The following CHD9 variants were observed in gnomAD, a reference collection of about 807,000 sequenced individuals.
CHD9 encodes the protein chromodomain helicase DNA binding protein 9.
In CHD9, 77 loss-of-function variants were observed where a neutral mutation model predicts 316.1. That is an observed-to-expected ratio of 0.24 (90% CI 0.20 to 0.29). The LOEUF (loss-of-function observed/expected upper bound fraction) is 0.29, where lower values mean the gene tolerates loss of function less well. Among genes scored for constraint, CHD9 ranks in the 10% least tolerant of loss-of-function variants. The probability of loss-of-function intolerance (pLI) is 1.00; values close to 1 mark genes in which losing one functional copy is unlikely to be tolerated. For synonymous variants in CHD9, 1,129 were observed against 1,158.3 expected (o/e 0.97, Z 0.51); for missense variants, 2,763 against 3,438.1 (o/e 0.80, Z 4.91).
rs2057499715 is a variant in CHD9, at chr16:53,325,174, C to A, written c.*279C>A. 3.7e-6 allele frequency: 1 copy of A among 267,382 alleles called. No homozygotes were observed. The highest frequency in any genetic ancestry group is 7.1e-6 in the Non-Finnish European group (1 of 140,890). 16.6% of individuals were successfully genotyped at this position (267,382 alleles called of 1,614,324 possible). On this transcript the variant is annotated 3_prime_UTR_variant, in exon 39 of 39. Coordinates refer to ENST00000447540, the MANE Select transcript of CHD9 (RefSeq NM_001308319.2). ...GGGTTAATTTTATGAAAATTATGCTCAATAAGAGTTGTATATTTAATATAT... is the reference window on the plus strand; with the variant it reads ...GGGTTAATTTTATGAAAATTATGCTAAATAAGAGTTGTATATTTAATATAT...
At position 53,209,582 on chromosome 16, in the gene CHD9, A is replaced by G. The variant is rs1032668812; in HGVS notation, c.1553A>G (p.Glu518Gly). 4 of 1,613,934 alleles carry G rather than the reference A, an allele frequency of 2.5e-6. No homozygotes were observed. The highest frequency in any genetic ancestry group is 3.4e-6 in the Non-Finnish European group (4 of 1,179,832). ...MSEKKQRKKV[E>G]SESKQEKANR... ...GAGAAGAAGCAGAGAAAAAAGGTGG[A>G]ATCAGAAAGCAAGCAAGAAAAGGCT... Residue 518 changes from glutamate (E) to glycine (G), a missense_variant, in exon 3 of 39, where the codon GAA becomes GGA. Around this residue, in one of 15 missense-constraint regions of CHD9, gnomAD observed 859 missense variants for 890.4 expected, o/e 0.96. Coordinates refer to ENST00000447540, the MANE Select transcript of CHD9 (RefSeq NM_001308319.2).
rs199518734 is a variant in CHD9 at position 53,256,971 on chromosome 16, A to AT, written c.4209+1196dup. 5.9e-3 allele frequency among the ~76,000 whole-genome samples: 897 copies of AT among 152,254 alleles called. 13 individuals carry two copies. Among genetic ancestry groups the AT allele is most frequent in the African/African-American group, 0.02 (850 of 41,546 alleles). The stretch of plus-strand genomic sequence containing the variant: ...AGACTAATAAATTCTTGTGTCAGGT[A>AT]TTTTGCTAAATGCCAGGAATACTAA... On this transcript the variant is annotated intron_variant, in intron 19 of 38. Transcript: ENST00000447540.
At chr16:53,267,788 A>G (rs2051840605) in intron 21 of CHD9, 139 bp from the exon 22 acceptor site, 5 of 680,298 alleles carry the variant, frequency 7.3e-6, no homozygotes, top group African/African-American at 1.8e-5. Context: ...CCATTCCTCT[A>G]CATTCTATGC....
intron 16 of CHD9, 36 bp downstream of exon 16, chr16:53,247,539 G>A: frequency 7.3e-7 from 1 of 1,375,308 alleles, no homozygotes; most frequent in Non-Finnish European, 1.0e-6. Context: ...ATTATGCTAA[G>A]TATATGCTAT....
intron 37 of CHD9, chr16:53,321,300 T>G: frequency 1.5e-6 from 2 of 1,348,860 alleles, no homozygotes; most frequent in Non-Finnish European, 1.9e-6. Context: ...ACTGTTCTAG[T>G]TATTCTACTT....
chr16:53,179,921 G>A (rs919237144), intron 2 of CHD9, among the ~76,000 whole-genome samples: 25 of 150,972 alleles, frequency 1.7e-4, no homozygotes, highest in Admixed American at 3.3e-4. Context: ...TAGTAATTAA[G>A]CATGGCATAC....
intron 1 of CHD9, among the ~76,000 whole-genome samples, chr16:53,146,434 T>TATATATATATAG (rs2040621667): frequency 7.5e-6 from 1 of 133,868 alleles, no homozygotes; most frequent in Non-Finnish European, 1.6e-5. Flanking sequence ...TATATATATA[T>TATATATATATAG]ATAATTAAAA....
At chr16:53,190,903 T>C (rs2152827003) in intron 2 of CHD9, among the ~76,000 whole-genome samples, 1 of 152,242 alleles carries the variant, frequency 6.6e-6, no homozygotes, top group South Asian at 2.1e-4. Flanking sequence ...ATTAATCCTG[T>C]TACATATGTC....
In CHD9 at chr16:53,267,326, G is replaced by A; in HGVS notation, c.4353G>A (p.Arg1451=). The change falls in exon 21 of 39, where the codon AGG becomes AGA. Residue 1451 remains arginine (R), a synonymous_variant. Coordinates refer to ENST00000447540, the MANE Select transcript of CHD9 (RefSeq NM_001308319.2). ...NSLVIDTPRI[R]KQTRPFSATK... is the part of the protein sequence containing the mutation. Reference sequence around the variant, plus strand: ...TGGTTATTGACACTCCAAGAATTAGGAAGCAAACAAGACCTTTTAGTGCCA... The same window carrying A: ...TGGTTATTGACACTCCAAGAATTAGAAAGCAAACAAGACCTTTTAGTGCCA... The A allele has an allele frequency of 6.2e-7, 1 of 1,611,136 alleles. No individual in the cohort carries two copies.
At chr16:53,067,195 G>A (rs79548074) in intron 1 of CHD9, among the ~76,000 whole-genome samples, 67 of 152,218 alleles carry the variant, frequency 4.4e-4, no homozygotes, top group African/African-American at 1.6e-3. Context: ...TGCCTGCCTC[G>A]ACTTCCCAAA....
At chr16:53,254,352 T>G in intron 17 of CHD9, 86 bp from the exon 18 acceptor site, 1 of 918,228 alleles carries the variant, frequency 1.1e-6, no homozygotes, top group Non-Finnish European at 1.5e-6. Context: ...TAAGAATTCT[T>G]GTATGTGTTT....
intron 3 of CHD9, among the ~76,000 whole-genome samples, chr16:53,215,635 CT>C (rs574818694): frequency 4.0e-5 from 6 of 151,706 alleles, no homozygotes; most frequent in South Asian, 2.1e-4. Context: ...ATATTTTTGC[CT>C]TTTTTTTCTC....
intron 24 of CHD9, among the ~76,000 whole-genome samples, chr16:53,281,380 A>G (rs549073234): frequency 1.3e-5 from 2 of 152,156 alleles, no homozygotes; most frequent in Non-Finnish European, 2.9e-5. Flanking sequence ...TTGACAAAAT[A>G]CATGCCAAAT....
chr16:53,294,323 G>A (rs1597865139), intron 29 of CHD9, among the ~76,000 whole-genome samples: 1 of 152,172 alleles, frequency 6.6e-6, no homozygotes, highest in East Asian at 1.9e-4. Context: ...ATAAAATTTA[G>A]TCTGACACTT....
chr16:53,303,609 C>A, intron 30 of CHD9, 111 bp from the exon 31 acceptor site: 1 of 753,176 alleles, frequency 1.3e-6, no homozygotes, highest in Non-Finnish European at 1.9e-6. Context: ...TGCATGGAGG[C>A]ACATTTTAGA....
At chr16:53,132,476 A>T (rs980334893) in intron 1 of CHD9, among the ~76,000 whole-genome samples, 1 of 152,232 alleles carries the variant, frequency 6.6e-6, no homozygotes, top group Non-Finnish European at 1.5e-5. Context: ...TAGACTCTAG[A>T]TAACTGTAGA....
intron 1 of CHD9, among the ~76,000 whole-genome samples, chr16:53,115,526 C>T (rs558267080): frequency 1.3e-5 from 2 of 152,196 alleles, no homozygotes; most frequent in African/African-American, 4.8e-5. Context: ...TTTGCACCAA[C>T]CTAAAAATAT....
intron 2 of CHD9, among the ~76,000 whole-genome samples, chr16:53,168,207 G>A (rs1375775410): frequency 2.0e-5 from 3 of 151,784 alleles, no homozygotes; most frequent in Non-Finnish European, 4.4e-5. Flanking sequence ...AACTACAGGC[G>A]CCTGCCATCA....
chr16:53,269,327 CA>C (rs1310130196), intron 22 of CHD9, among the ~76,000 whole-genome samples: 1 of 151,966 alleles, frequency 6.6e-6, no homozygotes. Context: ...TCTACTTAAT[CA>C]AAAAATATCT....
Sources: gnomAD v4.1 joint callset for allele counts (sites outside exome capture counted in the v4.1 genomes callset) on GRCh38, gnomAD v4.1.1 for gene constraint, gnomAD v4.1.1 regional missense constraint, MANE v1.5 for transcripts, NCBI Gene and HGNC (gene_info 2026-07-23, HGNC 2026-07-21) for gene names.